Variants in ZFP62 observed in about 807,000 individuals in gnomAD.
ZFP62 encodes the protein ZFP62 zinc finger protein.
ZFP62 carries 44 observed loss-of-function variants against 56.4 expected under a neutral mutation model. The observed-to-expected ratio is 0.78, with a 90% CI of 0.61 to 1.00. ZFP62 has a LOEUF of 1.00. Ranked by LOEUF, ZFP62 falls within the 50% of genes least tolerant of loss-of-function variation. The pLI is 0.00. For missense variants in ZFP62, 1,030 were observed against 1,085.7 expected, an observed-to-expected ratio of 0.95 and a Z score of 0.72; for synonymous variants, 421 against 388.9, an observed-to-expected ratio of 1.08 and a Z score of -0.97.
the ZFP62 span, among the ~76,000 whole-genome samples, chr5:180,841,326 T>C: frequency 9.1e-4 from 137 of 150,930 alleles, 1 homozygote; most frequent in Non-Finnish European, 1.2e-3. Context: ...CACACATATA[T>C]ATATATATAT....
At chr5:180,837,880 T>C in the ZFP62 span, among the ~76,000 whole-genome samples, 1 of 152,140 alleles carries the variant, frequency 6.6e-6, no homozygotes, top group African/African-American at 2.4e-5. Context: ...GCCGCCCTCC[T>C]CCGAGCCTCC....
chr5:180,837,625 T>G, the ZFP62 span, among the ~76,000 whole-genome samples: 1 of 152,190 alleles, frequency 6.6e-6, no homozygotes, highest in Non-Finnish European at 1.5e-5. Context: ...CATAAAGGTA[T>G]GTTAATTCGG....
the ZFP62 span, chr5:180,832,642 C>T: frequency 2.6e-5 from 4 of 152,170 alleles, no homozygotes; most frequent in Admixed American, 6.5e-5. Context: ...CACTTTCTAT[C>T]TTGTGCACTG....
the ZFP62 span, chr5:180,830,790 G>A: frequency 8.6e-5 from 13 of 151,600 alleles, no homozygotes; most frequent in East Asian, 2.3e-3. Context: ...CAGGGAAGAG[G>A]GTCCCGCGTG....
chr5:180,857,735 G>C (rs1051551220), intron 1 of ZFP62, among the ~76,000 whole-genome samples: 1 of 151,724 alleles, frequency 6.6e-6, no homozygotes, highest in Non-Finnish European at 1.5e-5. Flanking sequence ...GACCTCAGGG[G>C]ATCCACCCGT....
downstream of ZFP62, among the ~76,000 whole-genome samples, chr5:180,843,716 G>A (rs1014899202): frequency 2.0e-5 from 3 of 152,182 alleles, no homozygotes; most frequent in African/African-American, 7.2e-5. Flanking sequence ...ATTAATAGAA[G>A]CAAATAAAAC....
At chr5:180,831,401 C>T in the ZFP62 span, 1 of 151,558 alleles carries the variant, frequency 6.6e-6, no homozygotes, top group South Asian at 2.1e-4. Flanking sequence ...GCGCAGCTTC[C>T]TGGTTTCGGC....
At chr5:180,853,464 AAGAG>A (rs931365586) in intron 1 of ZFP62, among the ~76,000 whole-genome samples, 1 of 152,244 alleles carries the variant, frequency 6.6e-6, no homozygotes, top group African/African-American at 2.4e-5. Context: ...GGATGGGAGA[AAGAG>A]AGAGACTCCG....
downstream of ZFP62, among the ~76,000 whole-genome samples, chr5:180,846,059 C>T (rs749210951): frequency 2.0e-5 from 3 of 152,092 alleles, no homozygotes; most frequent in Non-Finnish European, 4.4e-5. Context: ...TGGAAGGAAC[C>T]GGGGGTGGTG....
chr5:180,828,603 G>A, the ZFP62 span, among the ~76,000 whole-genome samples: 11 of 152,264 alleles, frequency 7.2e-5, no homozygotes, highest in South Asian at 1.2e-3. Flanking sequence ...ATCTTCATAA[G>A]CTGAGCATGT....
chr5:180,849,325 G>T lies in ZFP62; in HGVS notation c.2170C>A (p.Leu724Ile). 1 of 1,552,164 alleles carries T rather than the reference G, an allele frequency of 6.4e-7. No homozygotes were observed. The highest frequency in any genetic ancestry group is 8.7e-7 in the Non-Finnish European group (1 of 1,147,132). Residue 724 changes from leucine (L) to isoleucine (I), a missense_variant, in exon 2 of 2, where the codon CTT becomes ATT. Transcript: ENST00000502412. ...ACACACTTGAAGGGTTTCTCCCCAA[G>T]ATGGACTCTTTTATGGCTTATAAGA... ...RTLISHKRVH[L>I]GEKPFKCVEC...
At chr5:180,857,133 C>A (rs896228972) in intron 1 of ZFP62, among the ~76,000 whole-genome samples, 1 of 152,030 alleles carries the variant, frequency 6.6e-6, no homozygotes, top group African/African-American at 2.4e-5. Flanking sequence ...GACAGGTAGG[C>A]AAAGACAAGG....
chr5:180,834,130 C>T, the ZFP62 span, among the ~76,000 whole-genome samples: 6 of 152,104 alleles, frequency 3.9e-5, no homozygotes, highest in East Asian at 1.2e-3. Context: ...ATGGTAGGGC[C>T]CTCATGAGTG....
chr5:180,853,310 AAAGAGTAATAT>A (rs1773808609), intron 1 of ZFP62, among the ~76,000 whole-genome samples: 2 of 152,246 alleles, frequency 1.3e-5, no homozygotes, highest in Admixed American at 6.5e-5. Context: ...TCAAAGTGAA[AAAGAGTAATAT>A]ACATGCTACG....
Position 180,850,568 on chromosome 5 carries a change from G to GT in ZFP62, c.926dup (p.Tyr309Ter). 6.4e-7 allele frequency: 1 copy of GT among 1,558,296 alleles called. No homozygotes were observed. Among genetic ancestry groups the GT allele is most frequent in the Non-Finnish European group, 8.7e-7 (1 of 1,151,150 alleles). ...HKRIHTGEKP[Y>*]ECDECGKAFI... ...AGGCCTTCCCACACTCATCACATTC[G>GT]TAAGGTTTCTCACCTGTGTGGATCC... is the stretch of plus-strand genomic sequence containing the variant. Residue 309 changes from tyrosine to a stop codon, truncating the protein, a stop_gained and frameshift_variant, in exon 2 of 2, where the codon TAC becomes TAAC. Coordinates refer to ENST00000502412, the MANE Select transcript of ZFP62 (RefSeq NM_001172638.2). LOFTEE classifies it high-confidence loss of function.
chr5:180,860,108 T>C (rs1774223784), intron 1 of ZFP62, among the ~76,000 whole-genome samples: 1 of 152,086 alleles, frequency 6.6e-6, no homozygotes, highest in African/African-American at 2.4e-5. Context: ...ACCAGTAAGA[T>C]AAAGTGAAAG....
rs1561902521 is a variant in ZFP62 at position 180,849,565 on chromosome 5, G to A, written c.1930C>T (p.Pro644Ser). ...QHRRVHTREK[P>S]YECDRCEKVF... Reference sequence around the variant, plus strand: ...TTCTCACACCTGTCACATTCATAGGGTTTCTCTCTAGTGTGGACCCTTCTG... The same window carrying A: ...TTCTCACACCTGTCACATTCATAGGATTTCTCTCTAGTGTGGACCCTTCTG... The change falls in exon 2 of 2, where the codon CCC (proline) becomes TCC (serine). Residue 644 changes from proline to serine, a missense_variant. By Grantham distance (74) the Pro-to-Ser change is moderately conservative. Transcript: ENST00000502412. 6.4e-7 allele frequency: 1 copy of A among 1,552,140 alleles called. No individual in the cohort carries two copies. The highest frequency in any genetic ancestry group is 8.7e-7 in the Non-Finnish European group (1 of 1,147,116).
the ZFP62 span, among the ~76,000 whole-genome samples, chr5:180,829,422 C>T: frequency 4.6e-5 from 7 of 152,236 alleles, no homozygotes; most frequent in Non-Finnish European, 1.0e-4. Context: ...TAATAAAAAC[C>T]TGCTGGTTTT....
the ZFP62 span, among the ~76,000 whole-genome samples, chr5:180,828,869 G>A: frequency 6.6e-6 from 1 of 152,174 alleles, no homozygotes; most frequent in Non-Finnish European, 1.5e-5. Flanking sequence ...TCCTAGCAAG[G>A]AATATTAATA....
Sources: allele counts gnomAD v4.1 joint callset (sites outside exome capture counted in the v4.1 genomes callset), GRCh38; gene constraint gnomAD v4.1.1; transcripts MANE v1.5; gene names NCBI Gene and HGNC (gene_info 2026-07-23, HGNC 2026-07-21).